Variants in DGKB observed in about 807,000 individuals in gnomAD.
DGKB encodes the protein diacylglycerol kinase beta.
A neutral mutation model predicts 114.3 loss-of-function variants in DGKB; 67 were observed. The ratio of observed to expected loss-of-function variants is 0.59; its 90% CI spans 0.48 to 0.72. The LOEUF is 0.72. Ranked by LOEUF, DGKB falls within the 30% of genes least tolerant of loss-of-function variation. DGKB has a pLI of 0.00. For missense variants in DGKB, 907 were observed against 975.2 expected, an observed-to-expected ratio of 0.93 and a Z score of 0.93; for synonymous variants, 398 against 323.1, an observed-to-expected ratio of 1.23 and a Z score of -2.49.
chr7:14,942,750 T>C (rs1431903316), intron 1 of DGKB, among the ~76,000 whole-genome samples: 1 of 152,078 alleles, frequency 6.6e-6, no homozygotes, highest in African/African-American at 2.4e-5. Flanking sequence ...CATGACTCAA[T>C]TCCTTATTTA....
rs564507552 is a variant in DGKB, at chr7:14,745,369, GTCTTCGTCCCTATTCTAACTGCAGTACC to G, written c.168+8531_168+8558del. Among the ~76,000 whole-genome samples the G allele has an allele frequency of 3.0e-4, 45 of 152,292 alleles. 1 individual carries two copies. The highest frequency in any genetic ancestry group is 6.8e-3 in the Middle Eastern group (2 of 294). On this transcript the variant is annotated intron_variant, in intron 4 of 25. Coordinates refer to ENST00000402815, the MANE Select transcript of DGKB (RefSeq NM_001350709.2). ...TAAGAGCAGGAAGCAGTTAAGATCA[GTCTTCGTCCCTATTCTAACTGCAGTACC>G]TCTTGTGTACCACTTTAGAGGGAAG...
At chr7:14,427,015 G>C (rs907242435) in intron 21 of DGKB, among the ~76,000 whole-genome samples, 1 of 151,950 alleles carries the variant, frequency 6.6e-6, no homozygotes, top group African/African-American at 2.4e-5. Context: ...AGCCAAGATA[G>C]TGTCACTGCA....
chr7:14,713,669 T>C (rs530383440), intron 6 of DGKB, among the ~76,000 whole-genome samples: 9 of 151,722 alleles, frequency 5.9e-5, no homozygotes, highest in Non-Finnish European at 1.3e-4. Flanking sequence ...TATAGGAAAG[T>C]TGACTAGATG....
At position 14,580,864 on chromosome 7, in the gene DGKB, C is replaced by T; in HGVS notation, c.1607G>A (p.Gly536Glu). Residue 536 changes from glycine (G) to glutamate (E), a missense_variant and splice_region_variant, in exon 19 of 26, where the codon GGA becomes GAA. Around this residue, in one of 3 missense-constraint regions of DGKB, gnomAD observed 814 missense variants for 856.6 expected, o/e 0.95. Coordinates refer to ENST00000402815, the MANE Select transcript of DGKB (RefSeq NM_001350709.2). ...TTTTGTTGTTGCAGCTGCTTTACCT[C>T]CTCCCCATCGCAGGCATCTTGCTAG... ...NDLARCLRWG[G>E]GYEGENLMKI... The T allele has an allele frequency of 6.2e-7, 1 of 1,601,060 alleles. No individual in the cohort carries two copies. Among genetic ancestry groups the T allele is most frequent in the Non-Finnish European group, 8.5e-7 (1 of 1,171,370 alleles).
At chr7:14,556,924 T>C (rs1795957471) in intron 20 of DGKB, among the ~76,000 whole-genome samples, 1 of 152,178 alleles carries the variant, frequency 6.6e-6, no homozygotes, top group African/African-American at 2.4e-5. Flanking sequence ...CTCTTAAGAG[T>C]AAATGGAATT....
rs574356228 is a variant in DGKB at position 14,308,157 on chromosome 7, G to A, written c.2122+30358C>T. On this transcript the variant is annotated intron_variant, in intron 23 of 25. Transcript: ENST00000402815. ...TAAAAGAAAATCATAAAGATAACCC[G>A]TATAGTTTTATAGCAGGATTTCCTC... 1.9e-3 allele frequency among the ~76,000 whole-genome samples: 296 copies of A among 151,950 alleles called. 3 individuals are homozygous for A. The highest frequency in any genetic ancestry group is 6.6e-3 in the African/African-American group (275 of 41,492).
chr7:14,708,927 A>C (rs1826810455), intron 6 of DGKB, among the ~76,000 whole-genome samples: 1 of 151,400 alleles, frequency 6.6e-6, no homozygotes, highest in Non-Finnish European at 1.5e-5. Flanking sequence ...TGTCCAAAAC[A>C]CCAAAAGCAA....
rs1369032138 is a variant in DGKB, at chr7:14,211,289, A to ATGTGATATTTACTCTCATGTTT, written c.2123-33160_2123-33139dup. On this transcript the variant is annotated intron_variant, in intron 23 of 25. Transcript: ENST00000402815. Reference sequence around the variant, plus strand: ...GAAGTCTCTTTCCTTAGCCTCTACTATGTGATATTTACTCTCATGTTTTGT... The same window carrying ATGTGATATTTACTCTCATGTTT: ...GAAGTCTCTTTCCTTAGCCTCTACTATGTGATATTTACTCTCATGTTTTGTGATATTTACTCTCATGTTTTGT... Among the ~76,000 whole-genome samples, 56 of 107,056 alleles carry ATGTGATATTTACTCTCATGTTT rather than the reference A, an allele frequency of 5.2e-4. 2 individuals carry two copies. Among genetic ancestry groups the ATGTGATATTTACTCTCATGTTT allele is most frequent in the Middle Eastern group, 4.1e-3 (1 of 242 alleles). The allele number at this position is 107,056 out of a possible 152,430, so 70.2% of individuals were successfully genotyped here.
intron 13 of DGKB, among the ~76,000 whole-genome samples, chr7:14,648,060 G>A (rs1461188932): frequency 1.3e-5 from 2 of 152,190 alleles, no homozygotes; most frequent in Non-Finnish European, 2.9e-5. Flanking sequence ...CGGCAGCGAG[G>A]CTGGGGGAGG....
At chr7:14,301,325 G>C (rs1370700230) in intron 23 of DGKB, among the ~76,000 whole-genome samples, 1 of 152,020 alleles carries the variant, frequency 6.6e-6, no homozygotes, top group African/African-American at 2.4e-5. Flanking sequence ...CTTGGGCATT[G>C]GTGTCTCTAT....
chr7:14,963,403 G>T (rs550006024), intron 1 of DGKB, among the ~76,000 whole-genome samples: 4 of 152,248 alleles, frequency 2.6e-5, no homozygotes, highest in South Asian at 4.1e-4. Flanking sequence ...TTCAGTGGAA[G>T]TTCCTACTAA....
At chr7:14,549,983 C>CT (rs1794877527) in intron 20 of DGKB, among the ~76,000 whole-genome samples, 1 of 147,812 alleles carries the variant, frequency 6.8e-6, no homozygotes, top group South Asian at 2.1e-4. Flanking sequence ...GCTAGACTGT[C>CT]TAAAAAAAAA....
intron 1 of DGKB, among the ~76,000 whole-genome samples, chr7:14,895,857 C>T (rs541911770): frequency 2.6e-5 from 4 of 151,756 alleles, no homozygotes; most frequent in African/African-American, 7.2e-5. Flanking sequence ...ATTCTCCAGC[C>T]CTTATTTCTT....
At chr7:14,655,201 T>C (rs1361017928) in intron 13 of DGKB, among the ~76,000 whole-genome samples, 1 of 151,610 alleles carries the variant, frequency 6.6e-6, no homozygotes, top group Non-Finnish European at 1.5e-5. Flanking sequence ...ATAATAATGG[T>C]AATAATCCCA....
intron 8 of DGKB, among the ~76,000 whole-genome samples, chr7:14,697,060 C>A (rs910691642): frequency 1.3e-5 from 2 of 152,150 alleles, no homozygotes; most frequent in Non-Finnish European, 2.9e-5. Context: ...AATATAAACT[C>A]AATATCTCTT....
chr7:14,647,569 TA>T (rs1168431355), intron 13 of DGKB, among the ~76,000 whole-genome samples: 1 of 152,066 alleles, frequency 6.6e-6, no homozygotes. Context: ...AATATGGGTG[TA>T]AAAATCCTCT....
intron 20 of DGKB, among the ~76,000 whole-genome samples, chr7:14,520,504 A>G (rs1400398239): frequency 6.6e-6 from 1 of 151,788 alleles, no homozygotes; most frequent in Admixed American, 6.6e-5. Context: ...TACCTTGCAT[A>G]AAGTTTTGTA....
intron 25 of DGKB, among the ~76,000 whole-genome samples, chr7:14,151,073 C>A (rs955960569): frequency 6.6e-6 from 1 of 152,010 alleles, no homozygotes; most frequent in Non-Finnish European, 1.5e-5. Flanking sequence ...GAAAATGAAT[C>A]ATTTTACGCA....
chr7:14,537,949 G>A (rs1446058193), intron 20 of DGKB, among the ~76,000 whole-genome samples: 1 of 151,878 alleles, frequency 6.6e-6, no homozygotes, highest in Non-Finnish European at 1.5e-5. Flanking sequence ...GCGTGGCGGC[G>A]CATGCCTGTA....
Sources: allele counts gnomAD v4.1 joint callset (sites outside exome capture counted in the v4.1 genomes callset), GRCh38; gene constraint gnomAD v4.1.1; regional missense constraint gnomAD v4.1.1; transcripts MANE v1.5; gene names NCBI Gene and HGNC (gene_info 2026-07-23, HGNC 2026-07-21).